The following RNF185 variants were observed in gnomAD, a reference collection of about 807,000 sequenced individuals.
The protein encoded by RNF185 is E3 ubiquitin-protein ligase RNF185.
Under a neutral mutation model 24.9 loss-of-function variants are expected in RNF185, and 13 were observed. That is an observed-to-expected ratio of 0.52 (90% confidence interval 0.34 to 0.83). The LOEUF (loss-of-function observed/expected upper bound fraction) is 0.83. Ranked by LOEUF, RNF185 falls within the 40% of genes least tolerant of loss-of-function variation. The pLI is 0.01. For synonymous variants in RNF185, 79 were observed against 90.3 expected, an observed-to-expected ratio of 0.88 and a Z score of 0.71; for missense variants, 184 against 244.7, an observed-to-expected ratio of 0.75 and a Z score of 1.65.
intron 1 of RNF185, among the ~76,000 whole-genome samples, chr22:31,176,203 T>G (rs1252777087): frequency 6.6e-6 from 1 of 152,200 alleles, no homozygotes; most frequent in East Asian, 1.9e-4. Flanking sequence ...CCTCTTTTTT[T>G]GGTATCTTTT....
In RNF185 at chr22:31,187,107, G is replaced by A. The variant is rs1422650063; in HGVS notation, c.13G>A (p.Gly5Arg). 5 of 1,604,834 alleles carry A rather than the reference G, an allele frequency of 3.1e-6. No individual in the cohort carries two copies. Among genetic ancestry groups the A allele is most frequent in the Non-Finnish European group, 4.2e-6 (5 of 1,176,568 alleles). The stretch of plus-strand genomic sequence containing the variant: ...CTGACAGCCAAGGATGGCAAGCAAG[G>A]GGCCCTCGGCCTCTGCATCTCCTGA... MASK[G>R]PSASASPENS... Residue 5 changes from glycine to arginine, a missense_variant, in exon 2 of 7, where the codon GGG (glycine) becomes AGG (arginine). By Grantham distance (125) the Gly-to-Arg change is moderately radical. Transcript: ENST00000326132.
intron 6 of RNF185, among the ~76,000 whole-genome samples, chr22:31,202,788 T>G (rs2048275935): frequency 1.3e-5 from 2 of 151,936 alleles, no homozygotes. Context: ...AATTTTTTTG[T>G]ATTTTTTTGT....
chr22:31,175,325 A>T (rs2047971926), intron 1 of RNF185, among the ~76,000 whole-genome samples: 1 of 151,450 alleles, frequency 6.6e-6, no homozygotes, highest in Non-Finnish European at 1.5e-5. Context: ...GTGGTGGCGC[A>T]CAGCTGTAAT....
intron 1 of RNF185, among the ~76,000 whole-genome samples, chr22:31,180,589 A>C (rs2048025546): frequency 1.3e-5 from 2 of 150,356 alleles, no homozygotes; most frequent in South Asian, 2.1e-4. Flanking sequence ...GCAGTGGTAC[A>C]TTCATAGCTC....
At chr22:31,173,981 T>C (rs1429638732) in intron 1 of RNF185, among the ~76,000 whole-genome samples, 1 of 152,220 alleles carries the variant, frequency 6.6e-6, no homozygotes, top group Non-Finnish European at 1.5e-5. Context: ...TGGTTGCATA[T>C]GTCTATGAGG....
At chr22:31,193,067 A>G (rs995668811) in intron 3 of RNF185, among the ~76,000 whole-genome samples, 7 of 152,338 alleles carry the variant, frequency 4.6e-5, no homozygotes, top group African/African-American at 1.7e-4. Context: ...AGGAAGGGGA[A>G]AATTTTTTTG....
chr22:31,192,288 GCCC>G (rs1268178968), intron 2 of RNF185, among the ~76,000 whole-genome samples: 1 of 152,122 alleles, frequency 6.6e-6, no homozygotes, highest in Non-Finnish European at 1.5e-5. Context: ...GTATGTGAAT[GCCC>G]CCATCAATTT....
chr22:31,190,342 A>G (rs1165906188), intron 2 of RNF185, among the ~76,000 whole-genome samples: 1 of 152,080 alleles, frequency 6.6e-6, no homozygotes, highest in Non-Finnish European at 1.5e-5. Context: ...GCTGGAGTGC[A>G]GTGGCGTGAT....
intron 2 of RNF185, among the ~76,000 whole-genome samples, chr22:31,189,136 T>TATGTGTGTGC (rs1491398602): frequency 7.8e-5 from 1 of 12,752 alleles, no homozygotes; most frequent in Non-Finnish European, 1.5e-4. Flanking sequence ...AAAAAAAAAA[T>TATGTGTGTGC]GTGTGTGTGT....
rs1309606943 is a variant in RNF185 at position 31,204,691 on chromosome 22, G to A, written c.*105G>A. ...GCTAATCTTGACTCCTGGAATCAGT[G>A]GGATCAGTAACACATCAAGGAGTCT... is the stretch of plus-strand genomic sequence containing the variant. On this transcript the variant is annotated 3_prime_UTR_variant, in exon 7 of 7. Coordinates refer to ENST00000326132, the MANE Select transcript of RNF185 (RefSeq NM_152267.4). 2.8e-6 allele frequency: 2 copies of A among 707,498 alleles called. No homozygotes were observed. The highest frequency in any genetic ancestry group is 2.5e-5 in the East Asian group (1 of 39,964). The allele number at this position is 707,498 out of a possible 1,614,324, so 43.8% of individuals were successfully genotyped here. A position where few individuals can be genotyped will look rare whatever the true frequency, so the allele number is the denominator to read the frequency against.
intron 2 of RNF185, among the ~76,000 whole-genome samples, chr22:31,190,655 A>G (rs1306287109): frequency 4.0e-5 from 6 of 149,162 alleles, no homozygotes; most frequent in Non-Finnish European, 8.9e-5. Context: ...AGCACTCCAG[A>G]TTGAGTAGCA....
At chr22:31,200,697 A>G (rs1250369701) in intron 5 of RNF185, among the ~76,000 whole-genome samples, 1 of 152,246 alleles carries the variant, frequency 6.6e-6, no homozygotes, top group African/African-American at 2.4e-5. Context: ...TGGTTATTTC[A>G]GAGGTAAAGT....
chr22:31,185,524 G>C (rs1162723823), intron 1 of RNF185, among the ~76,000 whole-genome samples: 2 of 152,054 alleles, frequency 1.3e-5, no homozygotes, highest in African/African-American at 2.4e-5. Flanking sequence ...AGCTGGAGGG[G>C]GCCACCCAGG....
At chr22:31,182,241 G>A (rs1218776327) in intron 1 of RNF185, among the ~76,000 whole-genome samples, 2 of 150,748 alleles carry the variant, frequency 1.3e-5, no homozygotes, top group South Asian at 2.1e-4. Context: ...CCTCCTGACT[G>A]TCTGGGGCTA....
intron 1 of RNF185, among the ~76,000 whole-genome samples, chr22:31,182,313 A>C (rs1028262658): frequency 6.6e-6 from 1 of 151,846 alleles, no homozygotes; most frequent in African/African-American, 2.4e-5. Context: ...TTTTTGAGAC[A>C]GAGTCACTAT....
At chr22:31,163,362 C>G (rs180964188) in intron 1 of RNF185, among the ~76,000 whole-genome samples, 1 of 151,874 alleles carries the variant, frequency 6.6e-6, no homozygotes, top group African/African-American at 2.4e-5. Context: ...GTGACTCGCT[C>G]TGTTGCCCAG....
At chr22:31,185,368 T>A (rs921399434) in intron 1 of RNF185, among the ~76,000 whole-genome samples, 1 of 152,170 alleles carries the variant, frequency 6.6e-6, no homozygotes, top group Non-Finnish European at 1.5e-5. Context: ...AGGCTGTAAC[T>A]TTTTTGGTCC....
chr22:31,203,799 G>A (rs1289252662), intron 6 of RNF185, among the ~76,000 whole-genome samples: 1 of 152,166 alleles, frequency 6.6e-6, no homozygotes, highest in Non-Finnish European at 1.5e-5. Flanking sequence ...GCTTTGGGAG[G>A]CTGAGGTGGG....
chr22:31,185,167 C>T (rs1406291605), intron 1 of RNF185, among the ~76,000 whole-genome samples: 2 of 151,872 alleles, frequency 1.3e-5, no homozygotes, highest in African/African-American at 2.4e-5. Context: ...GGCCAGCGCA[C>T]GAAACTGGTG....
Sources: gnomAD v4.1 joint callset for allele counts (sites outside exome capture counted in the v4.1 genomes callset) on GRCh38, gnomAD v4.1.1 for gene constraint, MANE v1.5 for transcripts, NCBI Gene and HGNC (gene_info 2026-07-23, HGNC 2026-07-21) for gene names.